PDK1: variants seen among roughly 807,000 people sequenced by gnomAD.
The protein encoded by PDK1 is [Pyruvate dehydrogenase (acetyl-transferring)] kinase isozyme 1, mitochondrial.
Under a neutral mutation model 54.2 loss-of-function variants are expected in PDK1, and 39 were observed. The ratio of observed to expected loss-of-function variants is 0.72; its 90% CI spans 0.56 to 0.94. The LOEUF is 0.94. Ranked by LOEUF, PDK1 falls within the 40% of genes least tolerant of loss-of-function variation. The probability of loss-of-function intolerance (pLI) is 0.00; values close to 1 mark genes in which losing one functional copy is unlikely to be tolerated. For synonymous variants in PDK1, 221 were observed against 207.1 expected (o/e 1.07, Z -0.58); for missense variants, 552 against 566.0 (o/e 0.98, Z 0.25).
In PDK1 at chr2:172,556,366, T is replaced by G. The variant is rs776531154; in HGVS notation, c.196+20T>G. 1.1e-5 allele frequency: 16 copies of G among 1,400,472 alleles called. No individual in the cohort carries two copies. Among genetic ancestry groups the G allele is most frequent in the Non-Finnish European group, 1.4e-5 (15 of 1,074,884 alleles). The allele number at this position is 1,400,472 out of a possible 1,614,324, so 86.8% of individuals were successfully genotyped here. On this transcript the variant is annotated intron_variant, in intron 1 of 10. Coordinates refer to ENST00000282077, the MANE Select transcript of PDK1 (RefSeq NM_002610.5). ...ACTTCGGTGAGTGCGGCCCGGGACC[T>G]TGGGCCTTTTTGCGCGGTCCCGGGC...
Position 172,599,492 on chromosome 2 carries a change from G to C in PDK1, c.*3523G>C, listed in dbSNP as rs1181144678. On this transcript the variant is annotated 3_prime_UTR_variant, in exon 11 of 11. Transcript: ENST00000282077. ...ATATGGGTAATCAGGGTTGAGTTAG[G>C]TAGTTTGCAAACATGACTTTTGCTG... 1 of 152,106 alleles carries C rather than the reference G, an allele frequency of 6.6e-6. No individual in the cohort carries two copies. The highest frequency in any genetic ancestry group is 1.5e-5 in the Non-Finnish European group (1 of 68,012). The allele number at this position is 152,106 out of a possible 1,614,324, so 9.4% of individuals were successfully genotyped here.
chr2:172,594,231 G>T (rs1690768959), intron 10 of PDK1, among the ~76,000 whole-genome samples: 1 of 152,014 alleles, frequency 6.6e-6, no homozygotes, highest in Non-Finnish European at 1.5e-5. Context: ...GACCACGCTG[G>T]CTAGGCTGAT....
At chr2:172,562,727 T>A (rs1558927297) in intron 3 of PDK1, 1 of 1,436,408 alleles carries the variant, frequency 7.0e-7, no homozygotes, top group African/African-American at 1.4e-5. Flanking sequence ...ATTAAAACAT[T>A]TTTTAAAACA....
chr2:172,614,044 T>C, the PDK1 span, among the ~76,000 whole-genome samples: 5 of 152,012 alleles, frequency 3.3e-5, no homozygotes, highest in Admixed American at 6.6e-5. Context: ...GCAGGAGCTG[T>C]GGACAAGCAG....
At chr2:172,686,394 G>A in the PDK1 span, among the ~76,000 whole-genome samples, 1 of 152,088 alleles carries the variant, frequency 6.6e-6, no homozygotes, top group Non-Finnish European at 1.5e-5. Flanking sequence ...TTTGTAAAAT[G>A]CACCAATCAG....
intron 5 of PDK1, among the ~76,000 whole-genome samples, chr2:172,566,539 C>A (rs11902846): frequency 0.019 from 2,925 of 151,346 alleles, 105 homozygotes; most frequent in African/African-American, 0.067. Context: ...CCTGGTTGAT[C>A]GAGACTCCGT....
At chr2:172,579,412 A>T (rs1476005189) in intron 8 of PDK1, among the ~76,000 whole-genome samples, 2 of 152,046 alleles carry the variant, frequency 1.3e-5, no homozygotes, top group African/African-American at 4.8e-5. Flanking sequence ...ATACGGATTC[A>T]GTTGTTTTAC....
rs1361115780 is a variant in PDK1, at chr2:172,570,763, G to T, written c.884G>T (p.Arg295Ile). The T allele has an allele frequency of 6.2e-7, 1 of 1,610,894 alleles. No individual in the cohort carries two copies. ...MRATMEHHANRGVYPPIQVHV... is the reference protein window; with the variant it reads ...MRATMEHHANIGVYPPIQVHV... ...GCCACTATGGAACACCATGCCAACA[G>T]AGGTGTTTACCCCCCTATTCAAGTT... The change falls in exon 8 of 11, where the codon AGA becomes ATA. Residue 295 changes from arginine (R) to isoleucine (I), a missense_variant. Transcript: ENST00000282077.
At chr2:172,671,039 A>G in the PDK1 span, among the ~76,000 whole-genome samples, 1 of 150,558 alleles carries the variant, frequency 6.6e-6, no homozygotes. Context: ...AAAATGACTT[A>G]TCTTTATAGG....
the PDK1 span, among the ~76,000 whole-genome samples, chr2:172,670,445 A>G: frequency 2.0e-5 from 3 of 152,184 alleles, no homozygotes; most frequent in Non-Finnish European, 4.4e-5. Flanking sequence ...ATGTTTACAC[A>G]TGGAAATTTA....
intron 8 of PDK1, among the ~76,000 whole-genome samples, chr2:172,582,769 C>G (rs1689984354): frequency 6.6e-6 from 1 of 152,212 alleles, no homozygotes; most frequent in East Asian, 1.9e-4. Flanking sequence ...ACTTTAAAAT[C>G]CACTGGCTCC....
chr2:172,665,952 T>A, the PDK1 span, among the ~76,000 whole-genome samples: 1 of 152,122 alleles, frequency 6.6e-6, no homozygotes, highest in East Asian at 1.9e-4. Context: ...GCCATAAGCA[T>A]GAAAGCCAAA....
chr2:172,643,770 C>G, the PDK1 span, among the ~76,000 whole-genome samples: 1 of 152,180 alleles, frequency 6.6e-6, no homozygotes, highest in South Asian at 2.1e-4. Context: ...CCTGCCCCAC[C>G]GTGAGAAACT....
At chr2:172,670,467 T>G in the PDK1 span, among the ~76,000 whole-genome samples, 1 of 152,194 alleles carries the variant, frequency 6.6e-6, no homozygotes, top group East Asian at 1.9e-4. Context: ...TTTGCTAAAT[T>G]TATGAAGTTT....
chr2:172,611,284 C>G (rs1477172826), downstream of PDK1, among the ~76,000 whole-genome samples: 11 of 152,028 alleles, frequency 7.2e-5, no homozygotes, highest in East Asian at 2.1e-3. Flanking sequence ...TCATCTTTTC[C>G]TTAAATAAAA....
the PDK1 span, among the ~76,000 whole-genome samples, chr2:172,662,440 G>A: frequency 4.7e-5 from 7 of 149,770 alleles, no homozygotes; most frequent in Admixed American, 1.3e-4. Context: ...ATGCATATAC[G>A]TATTTTTAAA....
At chr2:172,663,308 T>G in the PDK1 span, among the ~76,000 whole-genome samples, 1 of 152,192 alleles carries the variant, frequency 6.6e-6, no homozygotes, top group South Asian at 2.1e-4. Context: ...CATTTTAACT[T>G]AATTGCCCTT....
At chr2:172,649,923 T>C in the PDK1 span, among the ~76,000 whole-genome samples, 4 of 152,294 alleles carry the variant, frequency 2.6e-5, no homozygotes, top group Non-Finnish European at 4.4e-5. Context: ...TTCAGGATAT[T>C]ATCCAGGAGA....
intron 5 of PDK1, among the ~76,000 whole-genome samples, chr2:172,566,638 T>C (rs1157757915): frequency 6.6e-6 from 1 of 151,066 alleles, no homozygotes; most frequent in Non-Finnish European, 1.5e-5. Context: ...GGAGGATGGC[T>C]TGAGCCTGGG....
Sources: gnomAD v4.1 joint callset for allele counts (sites outside exome capture counted in the v4.1 genomes callset) on GRCh38, gnomAD v4.1.1 for gene constraint, MANE v1.5 for transcripts, NCBI Gene and HGNC (gene_info 2026-07-23, HGNC 2026-07-21) for gene names.